The following PRDM15 variants were observed in gnomAD, a reference collection of about 807,000 sequenced individuals.
PRDM15 encodes the protein PR/SET domain 15, also known as PR domain zinc finger protein 15.
In PRDM15, 64 loss-of-function variants were observed where a neutral mutation model predicts 128.6. The ratio of observed to expected loss-of-function variants is 0.50; its 90% CI spans 0.41 to 0.61. The LOEUF is 0.61. Among genes scored for constraint, PRDM15 ranks in the 20% least tolerant of loss-of-function variants. PRDM15 has a pLI of 0.00. For synonymous variants in PRDM15, 615 were observed against 621.8 expected (o/e 0.99, Z 0.16); for missense variants, 1,242 against 1,569.1 (o/e 0.79, Z 3.52).
intron 6 of PRDM15, among the ~76,000 whole-genome samples, chr21:41,842,169 A>T (rs1006596928): frequency 1.3e-5 from 2 of 152,254 alleles, no homozygotes; most frequent in African/African-American, 4.8e-5. Flanking sequence ...AATGATATTG[A>T]TAAGTCTGGC....
chr21:41,872,837 A>C (rs1176382351), intron 1 of PRDM15, among the ~76,000 whole-genome samples: 1 of 152,224 alleles, frequency 6.6e-6, no homozygotes, highest in Non-Finnish European at 1.5e-5. Flanking sequence ...GTGAGAAATA[A>C]GATGAGAAAG....
intron 18 of PRDM15, among the ~76,000 whole-genome samples, chr21:41,818,946 A>G (rs2062148779): frequency 6.6e-6 from 1 of 152,226 alleles, no homozygotes; most frequent in Non-Finnish European, 1.5e-5. Flanking sequence ...CTCACCACGC[A>G]GCCGATTCTA....
At position 41,836,556 on chromosome 21, in the gene PRDM15, G is replaced by A. The variant is rs148897785; in HGVS notation, c.1095C>T (p.Leu365=). ...ACTGGTAAACCCGCTTGTGCTCCCC[G>A]AGCTGTTTGATGAGCTTGCGCCGGA... ...HGIRRKLIKQ[L]GEHKRVYQCN... is the part of the protein sequence containing the mutation. Residue 365 remains leucine, a synonymous_variant, in exon 9 of 24, where the codon CTC becomes CTT. Transcript: ENST00000398548. The A allele has an allele frequency of 7.3e-5, 117 of 1,613,318 alleles. 2 individuals carry two copies. The African/African-American group carries it at 9.1e-4, about 13-fold the overall frequency.
Position 41,871,817 on chromosome 21 carries a change from G to T in PRDM15, c.-10+7453C>A, listed in dbSNP as rs1463960842. On this transcript the variant is annotated intron_variant, in intron 1 of 23. Transcript: ENST00000398548. ...TCACCTCTCCAGCACCCAGGCTCAG[G>T]ACGTGCAGACACAGGGGTGCTCTGA... 1.2e-5 allele frequency: 7 copies of T among 566,268 alleles called. No individual in the cohort carries two copies. The East Asian group carries it at 2.1e-4, about 17-fold the overall frequency. 35.1% of individuals were successfully genotyped at this position (566,268 alleles called of 1,614,324 possible). A position where few individuals can be genotyped will look rare whatever the true frequency, so the allele number is the denominator to read the frequency against.
chr21:41,850,444 C>T (rs921230805), intron 5 of PRDM15, among the ~76,000 whole-genome samples: 8 of 152,196 alleles, frequency 5.3e-5, no homozygotes, highest in Non-Finnish European at 8.8e-5. Context: ...AGCTCAAGAA[C>T]AAGTTAAGGC....
intron 21 of PRDM15, among the ~76,000 whole-genome samples, chr21:41,806,292 T>C (rs373274544): frequency 5.4e-3 from 4 of 734 alleles, no homozygotes; most frequent in Non-Finnish European, 5.2e-3. Flanking sequence ...ACCATCACCA[T>C]CACCACCACC....
Position 41,799,316 on chromosome 21 carries a change from T to C in PRDM15, c.*1924A>G, listed in dbSNP as rs2061365406. 1.3e-5 allele frequency: 2 copies of C among 152,372 alleles called. No individual in the cohort carries two copies. The highest frequency in any genetic ancestry group is 2.1e-4 in the South Asian group (1 of 4,826). The allele number at this position is 152,372 out of a possible 1,614,324, so 9.4% of individuals were successfully genotyped here. ...GAGCCCTGGTCTCCTGCTGATTCCATGGATGCCTGGAGCACTTGTATCTGG... is the reference window on the plus strand; with the variant it reads ...GAGCCCTGGTCTCCTGCTGATTCCACGGATGCCTGGAGCACTTGTATCTGG... On this transcript the variant is annotated 3_prime_UTR_variant, in exon 24 of 24. Coordinates refer to ENST00000398548, the MANE Select transcript of PRDM15 (RefSeq NM_001040424.3).
intron 19 of PRDM15, 39 bp downstream of exon 19, chr21:41,815,666 T>C (rs1413445120): frequency 1.2e-6 from 2 of 1,607,542 alleles, no homozygotes; most frequent in Non-Finnish European, 1.7e-6. Flanking sequence ...CCCTACACAG[T>C]GAGCGCCGTG....
chr21:41,869,961 T>G (rs1346426991), intron 1 of PRDM15, among the ~76,000 whole-genome samples: 2 of 152,208 alleles, frequency 1.3e-5, no homozygotes, highest in Non-Finnish European at 2.9e-5. Flanking sequence ...CACTGATCTC[T>G]CCAGCAGCAC....
rs1032507268 is a variant in PRDM15, at chr21:41,824,548, C to T, written c.1630-1099G>A. ...GTCAGGCACAGATTGTTTGCACAAA[C>T]AATCTCTCAACAGCATGGAAGGCAC... On this transcript the variant is annotated intron_variant, in intron 13 of 23. Coordinates refer to ENST00000398548, the MANE Select transcript of PRDM15 (RefSeq NM_001040424.3). Among the ~76,000 whole-genome samples, 150 of 95,616 alleles carry T rather than the reference C, an allele frequency of 1.6e-3. 3 individuals are homozygous for T. The highest frequency in any genetic ancestry group is 5.8e-3 in the African/African-American group (144 of 24,870). The allele number at this position is 95,616 out of a possible 152,430, so 62.7% of individuals were successfully genotyped here. A position where few individuals can be genotyped will look rare whatever the true frequency, so the allele number is the denominator to read the frequency against.
chr21:41,866,845 G>C (rs1391656964), intron 1 of PRDM15, among the ~76,000 whole-genome samples: 2 of 152,186 alleles, frequency 1.3e-5, no homozygotes, highest in African/African-American at 4.8e-5. Flanking sequence ...GAGAGGGCTG[G>C]TAGAGCCCAG....
In PRDM15 at chr21:41,879,087, G is replaced by A. The variant is rs763774465; in HGVS notation, c.-10+183C>T. ...CCGATCGCCAACGGTGCCCGCAGCC[G>A]GCGAATGTAACAAAGAACAGTCGGC... On this transcript the variant is annotated intron_variant, in intron 1 of 23. Transcript: ENST00000398548. This position sits in a 1 kb window ranked among gnomAD's most constrained non-coding sequence, Gnocchi z 5.1. 7 of 1,129,192 alleles carry A rather than the reference G, an allele frequency of 6.2e-6. No homozygotes were observed. The South Asian group carries it at 1.2e-4, about 19-fold the overall frequency. The allele number at this position is 1,129,192 out of a possible 1,614,324, so 69.9% of individuals were successfully genotyped here. A position where few individuals can be genotyped will look rare whatever the true frequency, so the allele number is the denominator to read the frequency against.
chr21:41,865,457 G>A (rs929589290), intron 1 of PRDM15, among the ~76,000 whole-genome samples: 35 of 152,104 alleles, frequency 2.3e-4, no homozygotes, highest in African/African-American at 7.2e-4. Flanking sequence ...CCAGCACACG[G>A]GACAGGTCAA....
Position 41,821,341 on chromosome 21 carries a change from A to G in PRDM15, c.1897-111T>C. On this transcript the variant is annotated intron_variant, in intron 15 of 23. Transcript: ENST00000398548. The surrounding 1 kb of genome is among the most constrained non-coding windows in gnomAD (Gnocchi z 5.4). ...GGCACCCGACACGCCCTGAGAGCCC[A>G]TGACTCATGCCAGGGTGGAAGGGAC... is the stretch of plus-strand genomic sequence containing the variant. The G allele has an allele frequency of 2.3e-6, 3 of 1,277,070 alleles. No individual in the cohort carries two copies. The highest frequency in any genetic ancestry group is 1.3e-5 in the South Asian group (1 of 74,706). The allele number at this position is 1,277,070 out of a possible 1,614,324, so 79.1% of individuals were successfully genotyped here.
chr21:41,859,457 G>T lies in PRDM15; in HGVS notation c.131+135C>A. ...ACGCTGCTCAGTTCACAGTGGGAGC[G>T]GAATCGCTGGCTCTCACTCAGAGTG... On this transcript the variant is annotated intron_variant, in intron 3 of 23. Coordinates refer to ENST00000398548, the MANE Select transcript of PRDM15 (RefSeq NM_001040424.3). This position sits in a 1 kb window ranked among gnomAD's most constrained non-coding sequence, Gnocchi z 5.3. 1.3e-6 allele frequency: 1 copy of T among 753,270 alleles called. No homozygotes were observed. The highest frequency in any genetic ancestry group is 1.8e-5 in the South Asian group (1 of 55,738). The allele number at this position is 753,270 out of a possible 1,614,324, so 46.7% of individuals were successfully genotyped here.
chr21:41,828,126 T>C lies in PRDM15; in HGVS notation c.1534+40A>G, dbSNP rs1001334459. On this transcript the variant is annotated intron_variant, in intron 12 of 23. Transcript: ENST00000398548. The surrounding 1 kb of genome is among the most constrained non-coding windows in gnomAD (Gnocchi z 5.7). ...CCGCCCTGCCCCACCCCGCAGGAGC[T>C]GCCTCTCCCCGCCCGCAGCAGGTGC... 4 of 1,605,862 alleles carry C rather than the reference T, an allele frequency of 2.5e-6. No homozygotes were observed. The highest frequency in any genetic ancestry group is 3.4e-6 in the Non-Finnish European group (4 of 1,176,952).
rs188117607 is a variant in PRDM15 at position 41,855,069 on chromosome 21, T to C, written c.286-251A>G. On this transcript the variant is annotated intron_variant, in intron 4 of 23. Coordinates refer to ENST00000398548, the MANE Select transcript of PRDM15 (RefSeq NM_001040424.3). ...GACACAGCCAGCGGTCTATGTGTCA[T>C]TGGGATACCTGAGTGTTACTCACGG... Among the ~76,000 whole-genome samples the C allele has an allele frequency of 3.5e-4, 53 of 152,314 alleles. 1 individual carries two copies. The highest frequency in any genetic ancestry group is 6.8e-3 in the Middle Eastern group (2 of 294).
At chr21:41,834,355 C>G in intron 11 of PRDM15, 1 of 694,216 alleles carries the variant, frequency 1.4e-6, no homozygotes, top group Non-Finnish European at 2.5e-6. Context: ...CCATGTGCGA[C>G]AGCCCTGGTC....
rs1475361512 is a variant in PRDM15, at chr21:41,821,122, A to G, written c.2005T>C (p.Tyr669His). 6.2e-7 allele frequency: 1 copy of G among 1,614,248 alleles called. No individual in the cohort carries two copies. The highest frequency in any genetic ancestry group is 1.1e-5 in the South Asian group (1 of 91,084). Residue 669 changes from tyrosine to histidine, a missense_variant, in exon 16 of 24, where the codon TAC becomes CAC. By Grantham distance (83) the Tyr-to-His change is moderately conservative (BLOSUM62 2). Transcript: ENST00000398548. This position sits in a 1 kb window ranked among gnomAD's most constrained non-coding sequence, Gnocchi z 5.4. ...CGGTGGATGACCATGTGGGCGTGGT[A>G]GGTGGCCTTCAGTGCAAAGCGCCGG... ...CNRRFALKAT[Y>H]HAHMVIHREN...
Sources: gnomAD v4.1 joint callset for allele counts (sites outside exome capture counted in the v4.1 genomes callset) on GRCh38, gnomAD v4.1.1 for gene constraint, Gnocchi (gnomAD v3.1) non-coding constraint, MANE v1.5 for transcripts, NCBI Gene and HGNC (gene_info 2026-07-23, HGNC 2026-07-21) for gene names.